Variants in SLC22A23 observed in about 807,000 individuals in gnomAD.
The protein encoded by SLC22A23 is ion transporter protein.
Under a neutral mutation model 61.0 loss-of-function variants are expected in SLC22A23, and 26 were observed. That is an observed-to-expected ratio of 0.43 (90% confidence interval 0.31 to 0.59). The LOEUF (loss-of-function observed/expected upper bound fraction) is 0.59, where lower values mean the gene tolerates loss of function less well. Ranked by LOEUF, SLC22A23 falls within the 20% of genes least tolerant of loss-of-function variation. The pLI is 0.11. For synonymous variants in SLC22A23, 430 were observed against 413.9 expected, an observed-to-expected ratio of 1.04 and a Z score of -0.47; for missense variants, 796 against 934.7, an observed-to-expected ratio of 0.85 and a Z score of 1.94.
Position 3,330,340 on chromosome 6 carries a change from C to G in SLC22A23, c.914-6338G>C, listed in dbSNP as rs1180633980. Among the ~76,000 whole-genome samples, 1 of 152,342 alleles carries G rather than the reference C, an allele frequency of 6.6e-6. No individual in the cohort carries two copies. The highest frequency in any genetic ancestry group is 1.9e-4 in the East Asian group (1 of 5,180). ...AGGCTTGGCCCTAAGCTGCTGACAC[C>G]CACCTGGAGACCACCACAGTCCTCT... is the stretch of plus-strand genomic sequence containing the variant. On this transcript the variant is annotated intron_variant, in intron 3 of 9. Coordinates refer to ENST00000406686, the MANE Select transcript of SLC22A23 (RefSeq NM_015482.2). This position sits in a 1 kb window ranked among gnomAD's most constrained non-coding sequence, Gnocchi z 4.7.
intron 4 of SLC22A23, among the ~76,000 whole-genome samples, chr6:3,299,444 T>C (rs966828830): frequency 1.3e-5 from 2 of 152,264 alleles, no homozygotes; most frequent in Admixed American, 1.3e-4. Context: ...CGCCTGTCAC[T>C]GTCCCTCAGA....
intron 3 of SLC22A23, among the ~76,000 whole-genome samples, chr6:3,398,137 T>G (rs1340487450): frequency 6.6e-6 from 1 of 152,186 alleles, no homozygotes; most frequent in Admixed American, 6.5e-5. Flanking sequence ...CAGTTCGACA[T>G]ATTAAACTGA....
Position 3,297,016 on chromosome 6 carries a change from T to A in SLC22A23, c.1210+1075A>T, listed in dbSNP as rs1162310854. Among the ~76,000 whole-genome samples, 1 of 152,200 alleles carries A rather than the reference T, an allele frequency of 6.6e-6. No individual in the cohort carries two copies. Among genetic ancestry groups the A allele is most frequent in the Admixed American group, 6.5e-5 (1 of 15,284 alleles). On this transcript the variant is annotated intron_variant, in intron 5 of 9. Transcript: ENST00000406686. The surrounding 1 kb of genome is among the most constrained non-coding windows in gnomAD (Gnocchi z 4.3). ...CCTGGAGCAAAGCTTCCGCAGCCAC[T>A]CTGACTGTAGTCCCTCCCTGCCACC...
At chr6:3,347,880 C>G (rs904128981) in intron 3 of SLC22A23, among the ~76,000 whole-genome samples, 4 of 152,198 alleles carry the variant, frequency 2.6e-5, no homozygotes, top group Admixed American at 2.6e-4. Context: ...GCCCTTCCTT[C>G]TACTGCTAAA....
At chr6:3,354,556 C>T (rs1368010442) in intron 3 of SLC22A23, among the ~76,000 whole-genome samples, 1 of 152,206 alleles carries the variant, frequency 6.6e-6, no homozygotes, top group Non-Finnish European at 1.5e-5. Context: ...TCAAGAGACC[C>T]AGCATCCAGC....
intron 3 of SLC22A23, among the ~76,000 whole-genome samples, chr6:3,339,515 G>A (rs1036807797): frequency 6.6e-6 from 1 of 152,178 alleles, no homozygotes; most frequent in Non-Finnish European, 1.5e-5. Flanking sequence ...TTCCCAGATG[G>A]TTAAGGCATT....
At chr6:3,285,161 GAGA>G in intron 7 of SLC22A23, 50 bp from the exon 8 acceptor site, 1 of 1,605,226 alleles carries the variant, frequency 6.2e-7, no homozygotes, top group Non-Finnish European at 8.5e-7. Flanking sequence ...CCAAGCAAGC[GAGA>G]AGAGAGAAGA....
At chr6:3,287,673 CTG>C (rs1491373696) in intron 6 of SLC22A23, among the ~76,000 whole-genome samples, 11 of 63,910 alleles carry the variant, frequency 1.7e-4, no homozygotes, top group Non-Finnish European at 3.4e-4. Context: ...CCACAGGAAA[CTG>C]TTTTTTTTTT....
chr6:3,316,859 A>C (rs1397552039), intron 4 of SLC22A23, among the ~76,000 whole-genome samples: 2 of 152,048 alleles, frequency 1.3e-5, no homozygotes, highest in Non-Finnish European at 2.9e-5. Flanking sequence ...GCTTATCTTG[A>C]ACTGCTGTGC....
chr6:3,298,349 A>G (rs1761296038), intron 4 of SLC22A23, 131 bp from the exon 5 acceptor site: 2 of 1,011,472 alleles, frequency 2.0e-6, no homozygotes, highest in Admixed American at 6.0e-5. Context: ...CAGCCCAATC[A>G]GGGGAGATAA....
chr6:3,274,014 T>C (rs1758675753), intron 9 of SLC22A23, among the ~76,000 whole-genome samples: 2 of 152,174 alleles, frequency 1.3e-5, no homozygotes, highest in African/African-American at 2.4e-5. Context: ...TCTCTGAGGA[T>C]TGTGCCTGAA....
chr6:3,301,763 T>C (rs1761629102), intron 4 of SLC22A23, among the ~76,000 whole-genome samples: 1 of 152,194 alleles, frequency 6.6e-6, no homozygotes, highest in African/African-American at 2.4e-5. Context: ...GCCCCAGCAA[T>C]CTCAAGTCCT....
chr6:3,417,457 G>A (rs1393865778), intron 1 of SLC22A23, among the ~76,000 whole-genome samples: 1 of 152,218 alleles, frequency 6.6e-6, no homozygotes, highest in African/African-American at 2.4e-5. Flanking sequence ...TTGGGGAGAA[G>A]GGCACTGCTG....
chr6:3,315,475 C>T (rs12665644), intron 4 of SLC22A23, among the ~76,000 whole-genome samples: 3 of 152,182 alleles, frequency 2.0e-5, no homozygotes, highest in African/African-American at 4.8e-5. Context: ...CTGTTCACAT[C>T]GTGGAACTGG....
intron 3 of SLC22A23, among the ~76,000 whole-genome samples, chr6:3,405,269 A>T (rs138356144): frequency 1.6e-4 from 23 of 142,066 alleles, no homozygotes; most frequent in South Asian, 2.1e-4. Flanking sequence ...AAAAAATTTA[A>T]AAAAAAAAAA....
intron 3 of SLC22A23, among the ~76,000 whole-genome samples, chr6:3,346,907 C>T (rs1421050975): frequency 1.3e-5 from 2 of 152,202 alleles, no homozygotes; most frequent in Admixed American, 1.3e-4. Flanking sequence ...TAAAGGACAA[C>T]ATACATACAT....
rs869114176 is a variant in SLC22A23, at chr6:3,299,998, C to CTTTT, written c.1083-1784_1083-1781dup. 3.7e-4 allele frequency among the ~76,000 whole-genome samples: 29 copies of CTTTT among 78,796 alleles called. 4 individuals are homozygous for CTTTT. Among genetic ancestry groups the CTTTT allele is most frequent in the East Asian group, 1.7e-3 (3 of 1,770 alleles). The allele number at this position is 78,796 out of a possible 152,430, so 51.7% of individuals were successfully genotyped here. ...ACCTGCTTTGCAAGCTCAGGATAGA[C>CTTTT]TTTTTTTTTTTTTTTTTTTTTTTTT... On this transcript the variant is annotated intron_variant, in intron 4 of 9. Transcript: ENST00000406686.
At chr6:3,353,798 C>T (rs1764915080) in intron 3 of SLC22A23, among the ~76,000 whole-genome samples, 1 of 152,194 alleles carries the variant, frequency 6.6e-6, no homozygotes, top group African/African-American at 2.4e-5. Flanking sequence ...CCACACCATT[C>T]CCCCACCTTC....
At chr6:3,424,291 T>C (rs898604826) in intron 1 of SLC22A23, among the ~76,000 whole-genome samples, 1 of 152,108 alleles carries the variant, frequency 6.6e-6, no homozygotes, top group African/African-American at 2.4e-5. Context: ...ACCCTCATTC[T>C]CCCACTCCAA....
Sources: allele counts gnomAD v4.1 joint callset (sites outside exome capture counted in the v4.1 genomes callset), GRCh38; gene constraint gnomAD v4.1.1; non-coding constraint Gnocchi (gnomAD v3.1); transcripts MANE v1.5; gene names NCBI Gene and HGNC (gene_info 2026-07-23, HGNC 2026-07-21).